The following ANKRD50 variants were observed in gnomAD, a reference collection of about 807,000 sequenced individuals.
ANKRD50 encodes ankyrin repeat domain 50.
Under a neutral mutation model 112.0 loss-of-function variants are expected in ANKRD50, and 40 were observed. The ratio of observed to expected loss-of-function variants is 0.36; its 90% CI spans 0.28 to 0.46. The LOEUF is 0.46. Ranked by LOEUF, ANKRD50 falls within the 20% of genes least tolerant of loss-of-function variation. The pLI is 1.00. For synonymous variants in ANKRD50, 613 were observed against 619.1 expected (o/e 0.99, Z 0.15); for missense variants, 1,487 against 1,701.7 (o/e 0.87, Z 2.22).
At chr4:124,703,006 A>C (rs189239773) in intron 2 of ANKRD50, among the ~76,000 whole-genome samples, 2 of 151,960 alleles carry the variant, frequency 1.3e-5, no homozygotes, top group South Asian at 4.2e-4. Context: ...TTGATTGCTA[A>C]TAAGATAGCA....
intron 2 of ANKRD50, among the ~76,000 whole-genome samples, chr4:124,690,519 G>GA (rs1197325292): frequency 6.6e-5 from 10 of 152,114 alleles, no homozygotes; most frequent in Middle Eastern, 3.4e-3. Flanking sequence ...TAATAAGCTA[G>GA]AAAAAATAGA....
Position 124,671,515 on chromosome 4 carries a change from G to A in ANKRD50, c.1762C>T (p.Gln588Ter). 6.2e-7 allele frequency: 1 copy of A among 1,613,686 alleles called. No homozygotes were observed. The highest frequency in any genetic ancestry group is 1.1e-5 in the South Asian group (1 of 91,074). The change falls in exon 4 of 5, where the codon CAG (glutamine) becomes TAG (stop). Residue 588 changes from glutamine (Q) to a stop codon, truncating the protein, a stop_gained. Coordinates refer to ENST00000504087, the MANE Select transcript of ANKRD50 (RefSeq NM_020337.3). LOFTEE classifies it high-confidence loss of function. Reference sequence around the variant, plus strand: ...CAATTAACCACCTTGGTATGTCCCTGTCTAGCCGCTAGAGTGAGTGGTGTA... The same window carrying A: ...CAATTAACCACCTTGGTATGTCCCTATCTAGCCGCTAGAGTGAGTGGTGTA... Reference protein sequence around the residue: ...GHTPLTLAARQGHTKVVNCLI... With the variant: ...GHTPLTLAAR
intron 2 of ANKRD50, among the ~76,000 whole-genome samples, chr4:124,689,593 C>G (rs1343443051): frequency 6.6e-6 from 1 of 152,162 alleles, no homozygotes; most frequent in African/African-American, 2.4e-5. Flanking sequence ...CGAGGTGGGA[C>G]AGCAGTCCTT....
chr4:124,703,353 A>G (rs1725434466), intron 2 of ANKRD50, among the ~76,000 whole-genome samples: 1 of 152,186 alleles, frequency 6.6e-6, no homozygotes, highest in Admixed American at 6.5e-5. Flanking sequence ...GGGAAGAGGA[A>G]GGGAAACTGA....
rs1490843162 is a variant in ANKRD50, at chr4:124,711,038, G to A, written c.-527C>T. 6.2e-6 allele frequency: 2 copies of A among 322,728 alleles called. No homozygotes were observed. Among genetic ancestry groups the A allele is most frequent in the African/African-American group, 2.1e-5 (1 of 46,960 alleles). 20.0% of individuals were successfully genotyped at this position (322,728 alleles called of 1,614,324 possible). ...GTATGTAAGTAGCTCTGTATTTCTC[G>A]TTGAAGGATGATCACTCAAGAGTAC... On this transcript the variant is annotated 5_prime_UTR_variant, in exon 2 of 5. The change creates a new upstream start codon in the 5' untranslated region. Coordinates refer to ENST00000504087, the MANE Select transcript of ANKRD50 (RefSeq NM_020337.3).
In ANKRD50 at chr4:124,666,509, T is replaced by A. The variant is rs1171351395; in HGVS notation, c.*1009A>T. On this transcript the variant is annotated 3_prime_UTR_variant, in exon 5 of 5. Coordinates refer to ENST00000504087, the MANE Select transcript of ANKRD50 (RefSeq NM_020337.3). ...CCAATTGATTTTGAGTGGGGCTATT[T>A]TGGTCATGCAGCAATTTACAAAATA... is the stretch of plus-strand genomic sequence containing the variant. 1 of 152,338 alleles carries A rather than the reference T, an allele frequency of 6.6e-6. No homozygotes were observed. Among genetic ancestry groups the A allele is most frequent in the Non-Finnish European group, 1.5e-5 (1 of 67,934 alleles). The allele number at this position is 152,338 out of a possible 1,614,324, so 9.4% of individuals were successfully genotyped here.
intron 2 of ANKRD50, among the ~76,000 whole-genome samples, chr4:124,707,294 A>T (rs1036833894): frequency 6.6e-6 from 1 of 152,068 alleles, no homozygotes; most frequent in Non-Finnish European, 1.5e-5. Flanking sequence ...CCATGCCTAA[A>T]TAAAATACGT....
chr4:124,671,674 C>T lies in ANKRD50; in HGVS notation c.1603G>A (p.Gly535Arg), dbSNP rs746121728. 39 of 1,613,842 alleles carry T rather than the reference C, an allele frequency of 2.4e-5. 2 individuals carry two copies. The Admixed American group carries it at 6.0e-4, about 25-fold the overall frequency. ...EDSIRTLLDNGASVNQCDSNG... is the reference protein window; with the variant it reads ...EDSIRTLLDNRASVNQCDSNG... ...GAATCACACTGATTTACTGAAGCTC[C>T]ATTATCTAATAATGTCCGAATGGAA... The change falls in exon 4 of 5, where the codon GGA becomes AGA. Residue 535 changes from glycine (G) to arginine (R), a missense_variant. Physicochemically the swap from Gly to Arg is moderately radical, Grantham distance 125. Around this residue, in one of 2 missense-constraint regions of ANKRD50, gnomAD observed 1,046 missense variants for 1,269.5 expected, o/e 0.82. Transcript: ENST00000504087.
rs143265598 is a variant in ANKRD50, at chr4:124,701,243, G to A, written c.512+8757C>T. On this transcript the variant is annotated intron_variant, in intron 2 of 4. Transcript: ENST00000504087. ...CTCCCAAAGTGCTGGGATTACAGGC[G>A]TGAGCCACCACGCCCCACCAAGAAG... Among the ~76,000 whole-genome samples, 86 of 152,218 alleles carry A rather than the reference G, an allele frequency of 5.6e-4. 4 individuals carry two copies. The highest frequency in any genetic ancestry group is 2.0e-3 in the African/African-American group (83 of 41,546).
Position 124,671,849 on chromosome 4 carries a change from T to C in ANKRD50, c.1428A>G (p.Ile476Met). The C allele has an allele frequency of 6.2e-7, 1 of 1,613,910 alleles. No homozygotes were observed. The highest frequency in any genetic ancestry group is 8.5e-7 in the Non-Finnish European group (1 of 1,179,872). ...AATCTCTGACAGGTGTACCATTCCATATCATCCACAGAGCTAACTCCGCTG... is the reference window on the plus strand; with the variant it reads ...AATCTCTGACAGGTGTACCATTCCACATCATCCACAGAGCTAACTCCGCTG... ...LETAELALWM[I>M]WNGTPVRDSL... is the part of the protein sequence containing the mutation. The change falls in exon 4 of 5, where the codon ATA (isoleucine) becomes ATG (methionine). Residue 476 changes from isoleucine to methionine, a missense_variant. Around this residue, in one of 2 missense-constraint regions of ANKRD50, gnomAD observed 1,046 missense variants for 1,269.5 expected, o/e 0.82. Coordinates refer to ENST00000504087, the MANE Select transcript of ANKRD50 (RefSeq NM_020337.3).
intron 2 of ANKRD50, among the ~76,000 whole-genome samples, chr4:124,683,415 C>G (rs1724937187): frequency 6.6e-6 from 1 of 151,804 alleles, no homozygotes; most frequent in South Asian, 2.1e-4. Flanking sequence ...GTACCTATCA[C>G]CTCAAACATT....
In ANKRD50 at chr4:124,670,085, T is replaced by A. The variant is rs766629653; in HGVS notation, c.3192A>T (p.Leu1064Phe). Residue 1064 changes from leucine to phenylalanine, a missense_variant, in exon 4 of 5, where the codon TTA (leucine) becomes TTT (phenylalanine). By Grantham distance (22) the Leu-to-Phe change is conservative. Around this residue, in one of 2 missense-constraint regions of ANKRD50, gnomAD observed 441 missense variants for 432.2 expected, o/e 1.02. Transcript: ENST00000504087. ...GGTTTGGATCAGCACCATGCTCTAA[T>A]AAGACCTGAACAACATCAATGTGCC... ...QEGHIDVVQV[L>F]LEHGADPNHA... 1.9e-6 allele frequency: 3 copies of A among 1,613,412 alleles called. No individual in the cohort carries two copies. The highest frequency in any genetic ancestry group is 2.5e-6 in the Non-Finnish European group (3 of 1,179,742).
Position 124,669,995 on chromosome 4 carries a change from A to C in ANKRD50, c.3282T>G (p.Ile1094Met), listed in dbSNP as rs779826893. 1 of 1,608,908 alleles carries C rather than the reference A, an allele frequency of 6.2e-7. No individual in the cohort carries two copies. Among genetic ancestry groups the C allele is most frequent in the Admixed American group, 1.7e-5 (1 of 58,216 alleles). The part of the protein sequence containing the change: ...VAAKNGHSQI[I>M]KLLEKYGASS... The stretch of plus-strand genomic sequence containing the variant: ...ATGCACCATATTTTTCTAATAATTT[A>C]ATTATCTGAGAATGTCCATTTTTGG... Residue 1094 changes from isoleucine to methionine, a missense_variant, in exon 4 of 5, where the codon ATT becomes ATG. Transcript: ENST00000504087.
chr4:124,683,047 TATATATACACACACATACATAC>T (rs1247229563), intron 2 of ANKRD50, among the ~76,000 whole-genome samples: 3 of 151,422 alleles, frequency 2.0e-5, no homozygotes, highest in East Asian at 3.9e-4. Context: ...ATAAATTTTA[TATATATACACACACATACATAC>T]ATATATACAC....
intron 2 of ANKRD50, among the ~76,000 whole-genome samples, chr4:124,697,236 A>C (rs1340736003): frequency 6.6e-6 from 1 of 152,200 alleles, no homozygotes; most frequent in Non-Finnish European, 1.5e-5. Flanking sequence ...GGGTCCACTG[A>C]GATACAGTTG....
rs560573825 is a variant in ANKRD50 at position 124,669,283 on chromosome 4, T to A, written c.3994A>T (p.Ile1332Leu). 1.2e-6 allele frequency: 2 copies of A among 1,613,834 alleles called. No homozygotes were observed. Among genetic ancestry groups the A allele is most frequent in the East Asian group, 4.5e-5 (2 of 44,846 alleles). ...CCAATTTCCTGCTGAGCTGAAGGTA[T>A]CATAATTTTGCATTGAGATTCTGCT... ...MPAESQCKIM[I>L]PSAQQEIGRS... Residue 1332 changes from isoleucine (I) to leucine (L), a missense_variant, in exon 4 of 5, where the codon ATA becomes TTA. By Grantham distance (5) the Ile-to-Leu change is conservative. Coordinates refer to ENST00000504087, the MANE Select transcript of ANKRD50 (RefSeq NM_020337.3).
intron 2 of ANKRD50, among the ~76,000 whole-genome samples, chr4:124,697,866 A>G (rs1470040491): frequency 1.7e-4 from 26 of 152,040 alleles, no homozygotes; most frequent in Non-Finnish European, 1.5e-5. Context: ...GAGATGAGTT[A>G]TGTCAGGTAT....
At position 124,694,546 on chromosome 4, in the gene ANKRD50, T is replaced by C. The variant is rs374356244; in HGVS notation, c.512+15454A>G. Reference sequence around the variant, plus strand: ...TAGCAACAGGACTCAGGCTCACTGTTTGGAACTAGGAGCTGGAGCTAGGGC... The same window carrying C: ...TAGCAACAGGACTCAGGCTCACTGTCTGGAACTAGGAGCTGGAGCTAGGGC... On this transcript the variant is annotated intron_variant, in intron 2 of 4. Transcript: ENST00000504087. Among the ~76,000 whole-genome samples, 20 of 152,258 alleles carry C rather than the reference T, an allele frequency of 1.3e-4. No homozygotes were observed. The East Asian group carries it at 1.5e-3, about 12-fold the overall frequency.
At chr4:124,683,274 TA>T (rs750916742) in intron 2 of ANKRD50, among the ~76,000 whole-genome samples, 15 of 151,066 alleles carry the variant, frequency 9.9e-5, no homozygotes, top group African/African-American at 2.2e-4. Context: ...TCATTATAGT[TA>T]AAAAAAACTA....
Sources: gnomAD v4.1 joint callset for allele counts (sites outside exome capture counted in the v4.1 genomes callset) on GRCh38, gnomAD v4.1.1 for gene constraint, gnomAD v4.1.1 regional missense constraint, MANE v1.5 for transcripts, NCBI Gene and HGNC (gene_info 2026-07-23, HGNC 2026-07-21) for gene names.